The following EXD3 variants were observed in gnomAD, a reference collection of about 807,000 sequenced individuals.
EXD3 encodes exonuclease 3'-5' domain containing 3.
A neutral mutation model predicts 98.0 loss-of-function variants in EXD3; 92 were observed. That is an observed-to-expected ratio of 0.94 (90% CI 0.79 to 1.12). The LOEUF (loss-of-function observed/expected upper bound fraction) is 1.12, where lower values mean the gene tolerates loss of function less well. EXD3 is among the 50% of genes most tolerant of loss of function. EXD3 has a pLI of 0.00. For synonymous variants in EXD3, 569 were observed against 526.0 expected (o/e 1.08, Z -1.12); for missense variants, 1,222 against 1,191.6 (o/e 1.03, Z -0.38).
rs1005521536 is a variant in EXD3, at chr9:137,420,739, C to CG, written c.-48+2374_-48+2375insC. Among the ~76,000 whole-genome samples, 46 of 134,980 alleles carry CG rather than the reference C, an allele frequency of 3.4e-4. 3 individuals carry two copies. The highest frequency in any genetic ancestry group is 1.1e-3 in the African/African-American group (40 of 34,984). 88.6% of individuals were successfully genotyped at this position (134,980 alleles called of 152,430 possible). On this transcript the variant is annotated intron_variant, in intron 1 of 21. Transcript: ENST00000340951. ...TGGGACCTGGAGGACAGACATTCAC[C>CG]CCCCCCCCCAAATTCATACAGGTAT...
intron 3 of EXD3, chr9:137,374,709 C>A (rs1835807785): frequency 1.0e-6 from 1 of 985,506 alleles, no homozygotes; most frequent in African/African-American, 1.7e-5. Flanking sequence ...AAAGGATGCC[C>A]CTCGGGGAAA....
intron 17 of EXD3, among the ~76,000 whole-genome samples, chr9:137,327,193 G>C (rs1320711283): frequency 2.0e-5 from 3 of 151,632 alleles, no homozygotes; most frequent in Admixed American, 6.6e-5. Context: ...GAGTGCAGTG[G>C]CACGATCTTG....
At chr9:137,353,354 CG>C in intron 10 of EXD3, 1 of 985,396 alleles carries the variant, frequency 1.0e-6, no homozygotes. Flanking sequence ...CCCAGGAGCC[CG>C]GGCATGTTTT....
intron 19 of EXD3, among the ~76,000 whole-genome samples, chr9:137,313,777 C>T (rs1037767753): frequency 7.9e-5 from 12 of 152,190 alleles, no homozygotes; most frequent in African/African-American, 2.7e-4. Context: ...GCTGTAGGAG[C>T]ACACTCTGGA....
At chr9:137,370,902 G>T (rs1564520834) in intron 5 of EXD3, among the ~76,000 whole-genome samples, 2 of 151,990 alleles carry the variant, frequency 1.3e-5, no homozygotes, top group Non-Finnish European at 2.9e-5. Context: ...ATCCTGCCCA[G>T]GGCCAGCCGC....
In EXD3 at chr9:137,349,927, C is replaced by G. The variant is rs192148847; in HGVS notation, c.1495-396G>C. On this transcript the variant is annotated intron_variant, in intron 14 of 21. Transcript: ENST00000340951. This position sits in a 1 kb window ranked among gnomAD's most constrained non-coding sequence, Gnocchi z 7.4. Reference sequence around the variant, plus strand: ...AGACAAAATGCAGCGAAACCACCCCCGGGGGGCTCTAGTGCTCATGCTAGG... The same window carrying G: ...AGACAAAATGCAGCGAAACCACCCCGGGGGGGCTCTAGTGCTCATGCTAGG... Among the ~76,000 whole-genome samples, 1,479 of 151,286 alleles carry G rather than the reference C, an allele frequency of 9.8e-3. 19 individuals are homozygous for G. The highest frequency in any genetic ancestry group is 0.034 in the African/African-American group (1,395 of 41,072).
intron 19 of EXD3, among the ~76,000 whole-genome samples, chr9:137,317,625 G>A (rs1012997901): frequency 2.0e-5 from 3 of 152,220 alleles, no homozygotes; most frequent in Admixed American, 6.5e-5. Flanking sequence ...CTTCTGGAGG[G>A]TCTCCAGCCC....
At chr9:137,330,140 A>ACACCGGAG (rs1564481196) in intron 17 of EXD3, among the ~76,000 whole-genome samples, 2 of 87,600 alleles carry the variant, frequency 2.3e-5, no homozygotes, top group Admixed American at 2.2e-4. Flanking sequence ...CTACACAGGA[A>ACACCGGAG]CTACACCGGA....
At chr9:137,323,680 A>C (rs757003521) in intron 19 of EXD3, 45 bp downstream of exon 19, 1 of 1,600,412 alleles carries the variant, frequency 6.2e-7, no homozygotes, top group Non-Finnish European at 8.5e-7. Flanking sequence ...CCGTAGCTCC[A>C]GATCTTGTGC....
At chr9:137,343,245 T>A (rs1439614252) in intron 17 of EXD3, 2 of 152,246 alleles carry the variant, frequency 1.3e-5, no homozygotes, top group African/African-American at 4.8e-5. Context: ...TAATTTCTGT[T>A]GTAATTCAGC....
Position 137,407,702 on chromosome 9 carries a change from C to G in EXD3, c.-47-12298G>C, listed in dbSNP as rs1446044173. On this transcript the variant is annotated intron_variant, in intron 1 of 21. Transcript: ENST00000340951. The surrounding 1 kb of genome is among the most constrained non-coding windows in gnomAD (Gnocchi z 4.4). ...AAGCATAAACCCCAACGCAGCGGCT[C>G]CTGGCCTGGTTCTGAAGACGGCCCA... Among the ~76,000 whole-genome samples, 1 of 152,206 alleles carries G rather than the reference C, an allele frequency of 6.6e-6. No homozygotes were observed. Among genetic ancestry groups the G allele is most frequent in the Non-Finnish European group, 1.5e-5 (1 of 68,042 alleles).
chr9:137,361,950 A>C (rs1365206383), intron 7 of EXD3, among the ~76,000 whole-genome samples: 2 of 152,138 alleles, frequency 1.3e-5, no homozygotes, highest in Admixed American at 1.3e-4. Flanking sequence ...GACTATTATG[A>C]ACAACTTTAA....
intron 16 of EXD3, 121 bp downstream of exon 16, chr9:137,348,989 G>A (rs1834102657): frequency 8.2e-7 from 1 of 1,214,352 alleles, no homozygotes; most frequent in East Asian, 2.6e-5. Context: ...CGCTCCAGGA[G>A]CTGGGCCCCC....
intron 6 of EXD3, chr9:137,367,720 A>G (rs1293029187): frequency 1.9e-6 from 1 of 524,818 alleles, no homozygotes. Context: ...ACAGCTGGAC[A>G]CGGGGTTCGT....
rs541245792 is a variant in EXD3 at position 137,366,540 on chromosome 9, G to C, written c.609C>G (p.Leu203=). ...AGCCGGGCTGGCACCAGGAATCCAT[G>C]AGGACCAGCAGCCTCCTCTGGAGGT... The part of the protein sequence containing the change: ...FPDLQRRLLV[L]MDSWCQPGFD... Residue 203 remains leucine (L), a synonymous_variant, in exon 7 of 22, where the codon CTC becomes CTG. Coordinates refer to ENST00000340951, the MANE Select transcript of EXD3 (RefSeq NM_017820.5). 6.6e-5 allele frequency: 102 copies of C among 1,551,762 alleles called. No individual in the cohort carries two copies. The highest frequency in any genetic ancestry group is 5.2e-6 in the Non-Finnish European group (6 of 1,147,792).
intron 8 of EXD3, among the ~76,000 whole-genome samples, chr9:137,356,048 A>T (rs1354961483): frequency 6.6e-6 from 1 of 152,132 alleles, no homozygotes; most frequent in Non-Finnish European, 1.5e-5. Context: ...TGGGCAGAGG[A>T]GCTCATAGAC....
rs759619304 is a variant in EXD3 at position 137,348,133 on chromosome 9, G to A, written c.1936C>T (p.Arg646Cys). The A allele has an allele frequency of 7.4e-6, 12 of 1,612,142 alleles. No individual in the cohort carries two copies. Among genetic ancestry groups the A allele is most frequent in the East Asian group, 6.7e-5 (3 of 44,878 alleles). Reference sequence around the variant, plus strand: ...ATGCGTGCATCCACACCGAGACAGCGGAGGCTCCGTGCCAGCCCCTGCAGC... The same window carrying A: ...ATGCGTGCATCCACACCGAGACAGCAGAGGCTCCGTGCCAGCCCCTGCAGC... ...NMLQGLARSL[R>C]CLGVDARMLG... Residue 646 changes from arginine (R) to cysteine (C), a missense_variant, in exon 17 of 22, where the codon CGC (arginine) becomes TGC (cysteine). Coordinates refer to ENST00000340951, the MANE Select transcript of EXD3 (RefSeq NM_017820.5).
intron 1 of EXD3, among the ~76,000 whole-genome samples, chr9:137,409,042 C>T (rs564924757): frequency 5.9e-5 from 9 of 152,356 alleles, no homozygotes; most frequent in Non-Finnish European, 8.8e-5. Context: ...CTCTGAAACA[C>T]GCTGGAATTC....
chr9:137,352,356 C>T (rs1333451200), intron 11 of EXD3, among the ~76,000 whole-genome samples, 155 bp from the exon 12 acceptor site: 4 of 152,194 alleles, frequency 2.6e-5, no homozygotes, highest in Non-Finnish European at 4.4e-5. Flanking sequence ...CAGCGTGACC[C>T]TTGCTCCTGC....
Sources: allele counts gnomAD v4.1 joint callset (sites outside exome capture counted in the v4.1 genomes callset), GRCh38; gene constraint gnomAD v4.1.1; non-coding constraint Gnocchi (gnomAD v3.1); transcripts MANE v1.5; gene names NCBI Gene and HGNC (gene_info 2026-07-23, HGNC 2026-07-21).